ST8SIA1: variants seen among roughly 807,000 people sequenced by gnomAD.
ST8SIA1 encodes alpha-N-acetylneuraminide alpha-2,8-sialyltransferase.
In ST8SIA1, 16 loss-of-function variants were observed where a neutral mutation model predicts 35.9. That is an observed-to-expected ratio of 0.45 (90% CI 0.30 to 0.68). The LOEUF is 0.68. Among genes scored for constraint, ST8SIA1 ranks in the 30% least tolerant of loss-of-function variants. The pLI is 0.09. For synonymous variants in ST8SIA1, 170 were observed against 169.6 expected (o/e 1.00, Z -0.02); for missense variants, 383 against 453.6 (o/e 0.84, Z 1.41).
At chr12:22,333,881 C>T (rs1211916448) in intron 1 of ST8SIA1, 116 bp downstream of exon 1, 6 of 921,306 alleles carry the variant, frequency 6.5e-6, no homozygotes, top group East Asian at 2.4e-5. Flanking sequence ...CATGGAAGAG[C>T]GGATGAAAGG....
intron 1 of ST8SIA1, among the ~76,000 whole-genome samples, chr12:22,319,958 A>G (rs1866565462): frequency 6.6e-6 from 1 of 152,198 alleles, no homozygotes; most frequent in African/African-American, 2.4e-5. Flanking sequence ...TAAGCCCCAT[A>G]AAAAGGAGGT....
At chr12:22,227,327 C>G (rs2120678526) in intron 4 of ST8SIA1, among the ~76,000 whole-genome samples, 1 of 152,092 alleles carries the variant, frequency 6.6e-6, no homozygotes, top group South Asian at 2.1e-4. Context: ...GTAATCCCAG[C>G]ACTATTGGAA....
At chr12:22,203,628 T>C (rs1865074163) in intron 4 of ST8SIA1, among the ~76,000 whole-genome samples, 1 of 152,116 alleles carries the variant, frequency 6.6e-6, no homozygotes, top group Non-Finnish European at 1.5e-5. Flanking sequence ...GGTCTTTAGG[T>C]AGATTCACTT....
At chr12:22,296,650 T>C (rs1426266649) in intron 1 of ST8SIA1, among the ~76,000 whole-genome samples, 3 of 152,208 alleles carry the variant, frequency 2.0e-5, no homozygotes, top group Non-Finnish European at 2.9e-5. Flanking sequence ...CGTCTGTTAA[T>C]GGCATCACAG....
At chr12:22,252,166 T>G (rs930828371) in intron 3 of ST8SIA1, among the ~76,000 whole-genome samples, 4 of 152,200 alleles carry the variant, frequency 2.6e-5, no homozygotes, top group African/African-American at 9.7e-5. Flanking sequence ...CAAAGAAAAT[T>G]ATGAAATTAT....
At chr12:22,284,564 T>A in intron 2 of ST8SIA1, among the ~76,000 whole-genome samples, 1 of 152,218 alleles carries the variant, frequency 6.6e-6, no homozygotes, top group Non-Finnish European at 1.5e-5. Context: ...TTCTATGAAT[T>A]AATTAGTCAT....
At position 22,325,745 on chromosome 12, in the gene ST8SIA1, A is replaced by G. The variant is rs529596239; in HGVS notation, c.236+8252T>C. On this transcript the variant is annotated intron_variant, in intron 1 of 4. Transcript: ENST00000396037. ...ATTTGATTTATAAATTAGGCACAGT[A>G]AGAGATGAACAATAATAACTAATAA... 96 of 640,568 alleles carry G rather than the reference A, an allele frequency of 1.5e-4. 1 individual carries two copies. The East Asian group carries it at 2.6e-3, about 17-fold the overall frequency. The allele number at this position is 640,568 out of a possible 1,614,324, so 39.7% of individuals were successfully genotyped here. A position where few individuals can be genotyped will look rare whatever the true frequency, so the allele number is the denominator to read the frequency against.
intron 2 of ST8SIA1, among the ~76,000 whole-genome samples, chr12:22,281,932 C>T (rs1461765658): frequency 6.6e-6 from 1 of 151,890 alleles, no homozygotes; most frequent in Non-Finnish European, 1.5e-5. Flanking sequence ...CACTTGAGCC[C>T]AGAAGGTGGA....
chr12:22,315,035 C>T (rs1044196218), intron 1 of ST8SIA1, among the ~76,000 whole-genome samples: 8 of 152,128 alleles, frequency 5.3e-5, no homozygotes, highest in African/African-American at 1.9e-4. Flanking sequence ...TCAAATCCCA[C>T]TCACCCTCAA....
chr12:22,309,977 C>T (rs74068556), intron 1 of ST8SIA1, among the ~76,000 whole-genome samples: 4,481 of 152,172 alleles, frequency 0.029, 232 homozygotes, highest in African/African-American at 0.1. Flanking sequence ...CACAAAATGA[C>T]ACAGCTATGA....
rs1220446331 is a variant in ST8SIA1, at chr12:22,320,957, G to GAGAAAGAA, written c.236+13032_236+13039dup. Among the ~76,000 whole-genome samples, 346 of 83,208 alleles carry GAGAAAGAA rather than the reference G, an allele frequency of 4.2e-3. 1 individual carries two copies. Among genetic ancestry groups the GAGAAAGAA allele is most frequent in the Non-Finnish European group, 5.4e-3 (224 of 41,522 alleles). 54.6% of individuals were successfully genotyped at this position (83,208 alleles called of 152,430 possible). On this transcript the variant is annotated intron_variant, in intron 1 of 4. Transcript: ENST00000396037. ...AGAAAGAAAGAAAGAAAGAAAGAAAGAGAAAGAAAGAAAGAAAGAAAGAAA... is the reference window on the plus strand; with the variant it reads ...AGAAAGAAAGAAAGAAAGAAAGAAAGAGAAAGAAAGAAAGAAAGAAAGAAAGAAAGAAA...
At chr12:22,291,219 G>T (rs1565588387) in intron 1 of ST8SIA1, among the ~76,000 whole-genome samples, 1 of 152,172 alleles carries the variant, frequency 6.6e-6, no homozygotes. Flanking sequence ...GGCAAAGAAG[G>T]ATGAAAATCC....
At chr12:22,254,411 T>C (rs911480088) in intron 3 of ST8SIA1, among the ~76,000 whole-genome samples, 2 of 151,938 alleles carry the variant, frequency 1.3e-5, no homozygotes, top group Non-Finnish European at 2.9e-5. Flanking sequence ...CCATCCTTTC[T>C]CCTTCACTCA....
intron 1 of ST8SIA1, among the ~76,000 whole-genome samples, chr12:22,331,444 C>T (rs1009882693): frequency 1.1e-4 from 16 of 152,246 alleles, no homozygotes; most frequent in African/African-American, 3.6e-4. Context: ...TACATGACAC[C>T]ATTCCATGAT....
At chr12:22,210,843 C>T (rs565983148) in intron 4 of ST8SIA1, among the ~76,000 whole-genome samples, 1 of 152,252 alleles carries the variant, frequency 6.6e-6, no homozygotes, top group South Asian at 2.1e-4. Context: ...TGTAAAAAGA[C>T]CATAACCTAC....
chr12:22,202,678 A>G (rs558450780), intron 4 of ST8SIA1, among the ~76,000 whole-genome samples: 1 of 152,364 alleles, frequency 6.6e-6, no homozygotes, highest in South Asian at 2.1e-4. Flanking sequence ...AAAGATACAA[A>G]TAAGTACAAT....
intron 4 of ST8SIA1, 45 bp from the exon 5 acceptor site, chr12:22,202,083 G>A: frequency 6.6e-7 from 1 of 1,514,286 alleles, no homozygotes; most frequent in Non-Finnish European, 8.8e-7. Context: ...TAGAGAAAAA[G>A]AAACTCACCA....
Position 22,289,215 on chromosome 12 carries a change from T to C in ST8SIA1, c.237-1922A>G, listed in dbSNP as rs147338138. On this transcript the variant is annotated intron_variant, in intron 1 of 4. Coordinates refer to ENST00000396037, the MANE Select transcript of ST8SIA1 (RefSeq NM_003034.4). ...GGGGAGGATAGGCTAAATTTTTAGT[T>C]CCTATCCCATGTCTGCTGATATCTT... 4.4e-3 allele frequency among the ~76,000 whole-genome samples: 673 copies of C among 152,312 alleles called. 7 individuals carry two copies. Among genetic ancestry groups the C allele is most frequent in the African/African-American group, 0.016 (651 of 41,578 alleles).
At chr12:22,229,141 G>A (rs1362743521) in intron 4 of ST8SIA1, among the ~76,000 whole-genome samples, 1 of 151,524 alleles carries the variant, frequency 6.6e-6, no homozygotes, top group Non-Finnish European at 1.5e-5. Context: ...TAAAAAAACA[G>A]GGGAGGGGTG....
Sources: gnomAD v4.1 joint callset for allele counts (sites outside exome capture counted in the v4.1 genomes callset) on GRCh38, gnomAD v4.1.1 for gene constraint, MANE v1.5 for transcripts, NCBI Gene and HGNC (gene_info 2026-07-23, HGNC 2026-07-21) for gene names.